Variants in COL5A2 observed in about 807,000 individuals in gnomAD.
COL5A2 encodes the protein collagen type V alpha 2 chain, also known as collagen alpha-2(V) chain.
Under a neutral mutation model 208.2 loss-of-function variants are expected in COL5A2, and 23 were observed. The ratio of observed to expected loss-of-function variants is 0.11; its 90% CI spans 0.08 to 0.16. The LOEUF (loss-of-function observed/expected upper bound fraction) is 0.16, where lower values mean the gene tolerates loss of function less well. Among genes scored for constraint, COL5A2 ranks in the 10% least tolerant of loss-of-function variants. COL5A2 has a pLI of 1.00. For synonymous variants in COL5A2, 625 were observed against 628.5 expected (o/e 0.99, Z 0.08); for missense variants, 1,590 against 1,956.4 (o/e 0.81, Z 3.53).
upstream of COL5A2, among the ~76,000 whole-genome samples, chr2:189,182,417 A>G (rs13031211): frequency 0.6 from 90,494 of 152,030 alleles, 27,995 homozygotes; most frequent in East Asian, 0.72. Context: ...CTAATAAGCA[A>G]TAAATCTAGG....
chr2:189,288,149 G>GAA, the COL5A2 span, among the ~76,000 whole-genome samples: 1 of 151,800 alleles, frequency 6.6e-6, no homozygotes, highest in Non-Finnish European at 1.5e-5. Flanking sequence ...GTCAAAGCCA[G>GAA]AAAAAAAAGA....
chr2:189,250,195 C>G, the COL5A2 span, among the ~76,000 whole-genome samples: 1 of 152,186 alleles, frequency 6.6e-6, no homozygotes, highest in African/African-American at 2.4e-5. Context: ...TTAAATAGGG[C>G]TTACTGTGTA....
At chr2:189,359,370 C>T in the COL5A2 span, among the ~76,000 whole-genome samples, 1 of 152,090 alleles carries the variant, frequency 6.6e-6, no homozygotes, top group Non-Finnish European at 1.5e-5. Context: ...TATGGTGTAT[C>T]ACATTTATTG....
At chr2:189,319,336 C>A in the COL5A2 span, among the ~76,000 whole-genome samples, 101 of 152,348 alleles carry the variant, frequency 6.6e-4, no homozygotes, top group African/African-American at 2.3e-3. Context: ...CTGGATGCAG[C>A]GCACCAAGCG....
At chr2:189,165,585 C>T (rs1392804259) in intron 1 of COL5A2, among the ~76,000 whole-genome samples, 1 of 152,296 alleles carries the variant, frequency 6.6e-6, no homozygotes, top group African/African-American at 2.4e-5. Flanking sequence ...CCCATTAAGG[C>T]CATGCATTTT....
the COL5A2 span, among the ~76,000 whole-genome samples, chr2:189,286,152 G>T: frequency 6.6e-6 from 1 of 151,562 alleles, no homozygotes; most frequent in Non-Finnish European, 1.5e-5. Flanking sequence ...AGGTCAGATT[G>T]CACAGTTTGG....
At chr2:189,367,576 G>C in the COL5A2 span, among the ~76,000 whole-genome samples, 3 of 152,108 alleles carry the variant, frequency 2.0e-5, no homozygotes, top group Non-Finnish European at 1.5e-5. Flanking sequence ...TTTACACAGT[G>C]GATAGGACAG....
chr2:189,362,283 T>C, the COL5A2 span, among the ~76,000 whole-genome samples: 1 of 152,166 alleles, frequency 6.6e-6, no homozygotes, highest in East Asian at 1.9e-4. Flanking sequence ...ATATAATGGC[T>C]TTATAAGGCC....
intron 3 of COL5A2, among the ~76,000 whole-genome samples, chr2:189,102,730 A>C (rs35571278): frequency 0.13 from 19,992 of 152,122 alleles, 1,344 homozygotes; most frequent in Middle Eastern, 0.19. Flanking sequence ...AAGGTTCAGT[A>C]ATTATGTTGG....
the COL5A2 span, among the ~76,000 whole-genome samples, chr2:189,273,657 G>A: frequency 6.5e-3 from 990 of 152,174 alleles, 8 homozygotes; most frequent in Non-Finnish European, 0.011. Context: ...ATACACAATG[G>A]AATACCATTC....
At chr2:189,288,156 A>G in the COL5A2 span, among the ~76,000 whole-genome samples, 2 of 152,156 alleles carry the variant, frequency 1.3e-5, no homozygotes, top group African/African-American at 4.8e-5. Flanking sequence ...CCAGAAAAAA[A>G]AGACGTTTGG....
At chr2:189,333,487 G>A in the COL5A2 span, among the ~76,000 whole-genome samples, 29 of 151,930 alleles carry the variant, frequency 1.9e-4, 1 homozygote, top group Admixed American at 1.2e-3. Context: ...CTTAAAACTC[G>A]CACAAGAAAA....
At chr2:189,182,448 G>C (rs188578992), upstream of COL5A2, among the ~76,000 whole-genome samples, 157 of 152,170 alleles carry the variant, frequency 1.0e-3, no homozygotes, top group Middle Eastern at 3.4e-3. Flanking sequence ...AGTGATGTCT[G>C]ACTCCAGAGT....
chr2:189,050,250 A>G (rs1685755487), intron 43 of COL5A2, among the ~76,000 whole-genome samples: 1 of 145,498 alleles, frequency 6.9e-6, no homozygotes, highest in Non-Finnish European at 1.5e-5. Flanking sequence ...GACACTACCT[A>G]TTCACCAGAA....
intron 29 of COL5A2, 91 bp from the exon 30 acceptor site, chr2:189,061,706 T>G: frequency 1.1e-6 from 1 of 952,320 alleles, no homozygotes; most frequent in Non-Finnish European, 1.7e-6. Context: ...TGATATTTAT[T>G]TGTATTTCTT....
intron 50 of COL5A2, among the ~76,000 whole-genome samples, chr2:189,039,819 A>T (rs1280462798): frequency 1.3e-5 from 2 of 152,108 alleles, no homozygotes; most frequent in Non-Finnish European, 2.9e-5. Context: ...ATCAAAGCAC[A>T]AAATATTTGC....
At chr2:189,388,899 CA>C in the COL5A2 span, among the ~76,000 whole-genome samples, 2 of 152,044 alleles carry the variant, frequency 1.3e-5, no homozygotes, top group Non-Finnish European at 2.9e-5. Flanking sequence ...ATCAAGAGAA[CA>C]AGATGGTTTA....
At chr2:189,298,960 C>G in the COL5A2 span, among the ~76,000 whole-genome samples, 1 of 152,170 alleles carries the variant, frequency 6.6e-6, no homozygotes, top group African/African-American at 2.4e-5. Flanking sequence ...TCAGACTTTT[C>G]AGCTTTGACC....
At chr2:189,427,880 G>T in the COL5A2 span, among the ~76,000 whole-genome samples, 1 of 152,194 alleles carries the variant, frequency 6.6e-6, no homozygotes, top group African/African-American at 2.4e-5. Context: ...TTTCAGACTT[G>T]CATGGGGCCT....
Sources: allele counts gnomAD v4.1 joint callset (sites outside exome capture counted in the v4.1 genomes callset), GRCh38; gene constraint gnomAD v4.1.1; transcripts MANE v1.5; gene names NCBI Gene and HGNC (gene_info 2026-07-23, HGNC 2026-07-21).